NTM: variants seen among roughly 807,000 people sequenced by gnomAD.
The protein encoded by NTM is neurotrimin.
NTM carries 13 observed loss-of-function variants against 42.1 expected under a neutral mutation model. That is an observed-to-expected ratio of 0.31 (90% CI 0.20 to 0.49). The LOEUF (loss-of-function observed/expected upper bound fraction) is 0.49. Among genes scored for constraint, NTM ranks in the 20% least tolerant of loss-of-function variants. The probability of loss-of-function intolerance (pLI) is 0.99; values close to 1 mark genes in which losing one functional copy is unlikely to be tolerated. For missense variants in NTM, 373 were observed against 452.8 expected (o/e 0.82, Z 1.60); for synonymous variants, 187 against 179.2 (o/e 1.04, Z -0.35).
intron 1 of NTM, among the ~76,000 whole-genome samples, chr11:131,739,016 G>T (rs929253071): frequency 6.6e-6 from 1 of 152,144 alleles, no homozygotes; most frequent in Non-Finnish European, 1.5e-5. Context: ...CACTGGCCCT[G>T]AGTGGCCATT....
intron 3 of NTM, among the ~76,000 whole-genome samples, chr11:132,172,581 A>C (rs2076261444): frequency 6.6e-6 from 1 of 152,198 alleles, no homozygotes; most frequent in African/African-American, 2.4e-5. Flanking sequence ...TTAAAAGCCA[A>C]AAAAGTTATT....
chr11:131,731,397 G>A (rs1357061643), intron 1 of NTM, among the ~76,000 whole-genome samples: 1 of 152,166 alleles, frequency 6.6e-6, no homozygotes, highest in Non-Finnish European at 1.5e-5. Context: ...TCTTCCACTT[G>A]TGAGTGAGAT....
intron 2 of NTM, among the ~76,000 whole-genome samples, chr11:131,998,056 C>T (rs1228038810): frequency 6.6e-6 from 1 of 152,028 alleles, no homozygotes; most frequent in South Asian, 2.1e-4. Context: ...CCTCCTCTTT[C>T]CTGGAGGCCT....
chr11:132,148,022 C>A (rs1470986679), intron 3 of NTM, among the ~76,000 whole-genome samples: 1 of 152,128 alleles, frequency 6.6e-6, no homozygotes, highest in Admixed American at 6.5e-5. Context: ...TGGCTGTGGG[C>A]AGAACGTATG....
At chr11:132,023,538 T>A (rs1039073630) in intron 2 of NTM, among the ~76,000 whole-genome samples, 2 of 152,034 alleles carry the variant, frequency 1.3e-5, no homozygotes, top group Non-Finnish European at 2.9e-5. Context: ...CTCCTGGTTG[T>A]TTTGGAGTTT....
At chr11:131,864,258 G>T (rs971717449) in intron 1 of NTM, among the ~76,000 whole-genome samples, 4 of 152,208 alleles carry the variant, frequency 2.6e-5, no homozygotes, top group Non-Finnish European at 5.9e-5. Flanking sequence ...ATCAGGGCAG[G>T]ATCCATCAGG....
chr11:132,060,464 A>G (rs776250920), intron 2 of NTM, among the ~76,000 whole-genome samples: 4 of 133,256 alleles, frequency 3.0e-5, no homozygotes, highest in Non-Finnish European at 7.1e-5. Flanking sequence ...AATGGAACAT[A>G]GCAGTGAGAG....
At chr11:132,200,690 C>A (rs1459023370) in intron 3 of NTM, among the ~76,000 whole-genome samples, 1 of 152,184 alleles carries the variant, frequency 6.6e-6, no homozygotes, top group Non-Finnish European at 1.5e-5. Flanking sequence ...ATTGACAGCT[C>A]AGAAATGCAG....
chr11:132,146,269 G>T lies in NTM; in HGVS notation c.168-13G>T. On this transcript the variant is annotated splice_polypyrimidine_tract_variant and intron_variant, in intron 2 of 8. Coordinates refer to ENST00000683400, the MANE Select transcript of NTM (RefSeq NM_001352005.2). The surrounding 1 kb of genome is among the most constrained non-coding windows in gnomAD (Gnocchi z 4.5). ...CTCAGTCCCTTGACGTACCTGTCTG[G>T]TCTTCCCTTCAGGTGCACTATTGAC... 1 of 1,614,008 alleles carries T rather than the reference G, an allele frequency of 6.2e-7. No individual in the cohort carries two copies. The highest frequency in any genetic ancestry group is 8.5e-7 in the Non-Finnish European group (1 of 1,179,924).
chr11:132,119,132 T>A (rs1449276205), intron 2 of NTM, among the ~76,000 whole-genome samples: 4 of 152,190 alleles, frequency 2.6e-5, no homozygotes, highest in Non-Finnish European at 2.9e-5. Flanking sequence ...GCCGGTCTCC[T>A]CTACTTCTTA....
intron 1 of NTM, among the ~76,000 whole-genome samples, chr11:131,836,820 G>A (rs2043557036): frequency 6.6e-6 from 1 of 152,190 alleles, no homozygotes; most frequent in Admixed American, 6.5e-5. Context: ...TTATTTAAGT[G>A]AGTAATTAGT....
intron 2 of NTM, among the ~76,000 whole-genome samples, chr11:132,029,100 G>A (rs770049906): frequency 6.6e-6 from 1 of 151,600 alleles, no homozygotes. Flanking sequence ...TTGCTACTGG[G>A]CTTCTGCTCT....
chr11:131,922,773 C>T (rs2057408449), intron 2 of NTM, among the ~76,000 whole-genome samples: 1 of 152,170 alleles, frequency 6.6e-6, no homozygotes, highest in African/African-American at 2.4e-5. Flanking sequence ...AATTACCTGA[C>T]TCTGTTCAAA....
intron 2 of NTM, among the ~76,000 whole-genome samples, chr11:131,916,971 C>T (rs1175438976): frequency 6.6e-6 from 1 of 152,204 alleles, no homozygotes; most frequent in Non-Finnish European, 1.5e-5. Context: ...AATTCCCTCC[C>T]TGATGCCTTT....
chr11:131,443,076 G>A (rs116448081), intron 1 of NTM, among the ~76,000 whole-genome samples: 84 of 152,294 alleles, frequency 5.5e-4, no homozygotes, highest in African/African-American at 1.9e-3. Context: ...CATAGAAGGA[G>A]ATATTCTTAC....
intron 1 of NTM, among the ~76,000 whole-genome samples, chr11:131,602,543 C>T (rs1199471664): frequency 1.3e-5 from 2 of 152,180 alleles, no homozygotes; most frequent in East Asian, 3.8e-4. Flanking sequence ...AACTAACATC[C>T]CTCTTTGGCA....
intron 1 of NTM, among the ~76,000 whole-genome samples, chr11:131,671,136 A>G (rs1401058147): frequency 3.9e-5 from 6 of 152,072 alleles, no homozygotes; most frequent in South Asian, 2.1e-4. Context: ...TTCCTGCCCA[A>G]CAGGCTCTGC....
At chr11:131,896,917 T>G (rs1369021857) in intron 1 of NTM, 1 of 152,214 alleles carries the variant, frequency 6.6e-6, no homozygotes, top group Non-Finnish European at 1.5e-5. Flanking sequence ...CTCGATCTCC[T>G]GACCTCGTGA....
intron 3 of NTM, among the ~76,000 whole-genome samples, chr11:132,191,340 C>G (rs2079291332): frequency 6.6e-6 from 1 of 152,160 alleles, no homozygotes; most frequent in African/African-American, 2.4e-5. Context: ...TGCTCAACCT[C>G]AAGGAGACAG....
Sources: gnomAD v4.1 joint callset for allele counts (sites outside exome capture counted in the v4.1 genomes callset) on GRCh38, gnomAD v4.1.1 for gene constraint, Gnocchi (gnomAD v3.1) non-coding constraint, MANE v1.5 for transcripts, NCBI Gene and HGNC (gene_info 2026-07-23, HGNC 2026-07-21) for gene names.